RIN2: variants seen among roughly 807,000 people sequenced by gnomAD.
RIN2 encodes Ras and Rab interactor 2.
RIN2 carries 36 observed loss-of-function variants against 78.0 expected under a neutral mutation model. That is an observed-to-expected ratio of 0.46 (90% CI 0.35 to 0.61). The LOEUF (loss-of-function observed/expected upper bound fraction) is 0.61, where lower values mean the gene tolerates loss of function less well. Ranked by LOEUF, RIN2 falls within the 20% of genes least tolerant of loss-of-function variation. RIN2 has a pLI of 0.00. For synonymous variants in RIN2, 466 were observed against 466.8 expected, an observed-to-expected ratio of 1.00 and a Z score of 0.02; for missense variants, 1,087 against 1,159.7, an observed-to-expected ratio of 0.94 and a Z score of 0.91.
chr20:19,952,076 G>GGA (rs1247448657), intron 4 of RIN2, among the ~76,000 whole-genome samples: 1 of 152,202 alleles, frequency 6.6e-6, no homozygotes, highest in Non-Finnish European at 1.5e-5. Flanking sequence ...GGGAAAGGGA[G>GGA]GAGGCAAGGC....
intron 3 of RIN2, among the ~76,000 whole-genome samples, chr20:19,930,359 G>A (rs962045801): frequency 6.6e-6 from 1 of 152,222 alleles, no homozygotes; most frequent in Non-Finnish European, 1.5e-5. Context: ...TGTGTGGCCA[G>A]ATGTAGAGAA....
intron 9 of RIN2, among the ~76,000 whole-genome samples, chr20:19,987,100 G>C (rs2042645123): frequency 6.6e-6 from 1 of 152,260 alleles, no homozygotes. Flanking sequence ...ATGCATCCAT[G>C]TTGTTCTGGA....
rs12479740 is a variant in RIN2 at position 19,846,335 on chromosome 20, C to T, written c.-36-43231C>T. Reference sequence around the variant, plus strand: ...ACTTTGGGTAGTATGGCCATTTTCACGATATTGATTCTTCCTATCCATGAG... The same window carrying T: ...ACTTTGGGTAGTATGGCCATTTTCATGATATTGATTCTTCCTATCCATGAG... On this transcript the variant is annotated intron_variant, in intron 2 of 12. Transcript: ENST00000255006. Among the ~76,000 whole-genome samples the T allele has an allele frequency of 5.1e-3, 769 of 152,226 alleles. 7 individuals are homozygous for T. Among genetic ancestry groups the T allele is most frequent in the East Asian group, 0.035 (181 of 5,182 alleles).
intron 3 of RIN2, among the ~76,000 whole-genome samples, chr20:19,913,603 C>G (rs2039565603): frequency 6.6e-6 from 1 of 152,180 alleles, no homozygotes; most frequent in East Asian, 1.9e-4. Context: ...TTTCCTCAAC[C>G]CCTGGTAACT....
rs57852545 is a variant in RIN2 at position 20,001,362 on chromosome 20, C to CTTTTTTTTTTTTTTTTTTTTTTTTTTT, written c.*452_*453insTTTTTTTTTTTTTTTTTTTTTTTTTTT. On this transcript the variant is annotated 3_prime_UTR_variant, in exon 13 of 13. Transcript: ENST00000255006. The stretch of plus-strand genomic sequence containing the variant: ...CCCTGCCTTCCTTCCTTTCTTTTTC[C>CTTTTTTTTTTTTTTTTTTTTTTTTTTT]TTTTTTTTTTTTTTTTTTTTTTTTT... The CTTTTTTTTTTTTTTTTTTTTTTTTTTT allele has an allele frequency of 8.5e-5, 8 of 94,232 alleles. No individual in the cohort carries two copies. The highest frequency in any genetic ancestry group is 1.0e-4 in the Non-Finnish European group (5 of 49,244). 5.8% of individuals were successfully genotyped at this position (94,232 alleles called of 1,614,324 possible).
intron 5 of RIN2, among the ~76,000 whole-genome samples, chr20:19,957,037 C>A (rs944713612): frequency 6.6e-6 from 1 of 152,184 alleles, no homozygotes; most frequent in Non-Finnish European, 1.5e-5. Context: ...GTACAAGGAT[C>A]CAGCAGAGAA....
intron 1 of RIN2, among the ~76,000 whole-genome samples, chr20:19,772,100 T>G (rs1285444278): frequency 1.3e-5 from 2 of 152,310 alleles, no homozygotes; most frequent in Middle Eastern, 3.4e-3. Flanking sequence ...CTCAAGGGCA[T>G]TACTGCAGCA....
chr20:19,931,825 C>T (rs1035559657), intron 3 of RIN2, among the ~76,000 whole-genome samples: 1 of 150,014 alleles, frequency 6.7e-6, no homozygotes, highest in Non-Finnish European at 1.5e-5. Context: ...GCATTTTATA[C>T]TCAATTAATG....
chr20:19,905,913 G>A (rs912222946), intron 3 of RIN2, among the ~76,000 whole-genome samples: 1 of 152,154 alleles, frequency 6.6e-6, no homozygotes, highest in East Asian at 1.9e-4. Context: ...AAAGTTTGCT[G>A]ACCACTGACT....
chr20:19,796,364 T>A (rs1231683366), intron 1 of RIN2, among the ~76,000 whole-genome samples: 1 of 152,220 alleles, frequency 6.6e-6, no homozygotes, highest in Non-Finnish European at 1.5e-5. Context: ...ACTACAGCAA[T>A]GTTTTTCAAG....
intron 2 of RIN2, among the ~76,000 whole-genome samples, chr20:19,880,392 CTTTTTTTT>C (rs33934712): frequency 8.7e-5 from 5 of 57,386 alleles, no homozygotes; most frequent in African/African-American, 3.0e-4. Context: ...GGAAGTCATT[CTTTTTTTT>C]TTTTTTTTTT....
At position 19,993,813 on chromosome 20, in the gene RIN2, T is replaced by G. The variant is rs561905483; in HGVS notation, c.2200+1514T>G. Among the ~76,000 whole-genome samples the G allele has an allele frequency of 1.1e-4, 16 of 152,328 alleles. No individual in the cohort carries two copies. The South Asian group carries it at 3.3e-3, about 32-fold the overall frequency. ...TGCTTTCCTTCCTTCCACTGTAATG[T>G]TTGTTATTAATACAGTTTGGGGTTT... is the stretch of plus-strand genomic sequence containing the variant. On this transcript the variant is annotated intron_variant, in intron 11 of 12. Coordinates refer to ENST00000255006, the MANE Select transcript of RIN2 (RefSeq NM_018993.4).
chr20:19,967,033 A>G (rs1220759813), intron 7 of RIN2, among the ~76,000 whole-genome samples: 1 of 152,206 alleles, frequency 6.6e-6, no homozygotes, highest in Non-Finnish European at 1.5e-5. Flanking sequence ...GGGTGAAGCC[A>G]GCTGATATTT....
intron 3 of RIN2, among the ~76,000 whole-genome samples, chr20:19,929,414 T>C (rs1466810942): frequency 2.6e-5 from 4 of 152,166 alleles, no homozygotes; most frequent in Non-Finnish European, 5.9e-5. Context: ...CAGGCTGGAG[T>C]GCAGTGGCTC....
intron 3 of RIN2, among the ~76,000 whole-genome samples, chr20:19,928,319 C>T (rs923271138): frequency 2.6e-5 from 4 of 152,176 alleles, no homozygotes; most frequent in South Asian, 2.1e-4. Context: ...TCGCCCAAGG[C>T]GACCCAGCCA....
chr20:19,779,387 G>T (rs2034420529), intron 1 of RIN2, among the ~76,000 whole-genome samples: 1 of 152,112 alleles, frequency 6.6e-6, no homozygotes, highest in South Asian at 2.1e-4. Context: ...GCTCTTCTCT[G>T]GGCCAGGCCC....
At chr20:19,987,961 G>T (rs1029764010) in intron 9 of RIN2, among the ~76,000 whole-genome samples, 8 of 152,150 alleles carry the variant, frequency 5.3e-5, no homozygotes, top group Non-Finnish European at 1.2e-4. Flanking sequence ...TTAACTTTTG[G>T]CCTCAGTTTT....
At chr20:19,846,250 T>C (rs2036780000) in intron 2 of RIN2, among the ~76,000 whole-genome samples, 1 of 152,234 alleles carries the variant, frequency 6.6e-6, no homozygotes, top group Non-Finnish European at 1.5e-5. Context: ...AGTAGTTCTT[T>C]CTAATTGTGT....
At chr20:19,899,272 T>A (rs2038873570) in intron 3 of RIN2, among the ~76,000 whole-genome samples, 1 of 152,168 alleles carries the variant, frequency 6.6e-6, no homozygotes, top group African/African-American at 2.4e-5. Context: ...TGGTGTAAAA[T>A]CCTCACAGTG....
Sources: allele counts gnomAD v4.1 joint callset (sites outside exome capture counted in the v4.1 genomes callset), GRCh38; gene constraint gnomAD v4.1.1; transcripts MANE v1.5; gene names NCBI Gene and HGNC (gene_info 2026-07-23, HGNC 2026-07-21).